The following VRK2 variants were observed in gnomAD, a reference collection of about 807,000 sequenced individuals.
The protein encoded by VRK2 is serine/threonine-protein kinase VRK2.
VRK2 carries 60 observed loss-of-function variants against 57.6 expected under a neutral mutation model. The observed-to-expected ratio is 1.04, with a 90% CI of 0.85 to 1.29. The LOEUF (loss-of-function observed/expected upper bound fraction) is 1.29, where lower values mean the gene tolerates loss of function less well. Ranked by LOEUF, VRK2 falls within the 50% of genes most tolerant of loss-of-function variation. VRK2 has a pLI of 0.00. For missense variants in VRK2, 705 were observed against 588.1 expected (o/e 1.20, Z -2.06); for synonymous variants, 231 against 199.2 (o/e 1.16, Z -1.35).
chr2:58,056,922 A>G (rs1676607537), intron 2 of VRK2, among the ~76,000 whole-genome samples: 1 of 152,128 alleles, frequency 6.6e-6, no homozygotes, highest in Non-Finnish European at 1.5e-5. Flanking sequence ...GTGGCTTGGT[A>G]GGCTTTATGA....
chr2:57,909,702 G>C (rs1191451722), intron 1 of VRK2, among the ~76,000 whole-genome samples: 3 of 151,964 alleles, frequency 2.0e-5, no homozygotes, highest in African/African-American at 7.3e-5. Flanking sequence ...GCTTTAATTT[G>C]CTATTTAGCA....
chr2:57,940,933 A>G (rs1671074952), intron 1 of VRK2, among the ~76,000 whole-genome samples: 1 of 152,162 alleles, frequency 6.6e-6, no homozygotes, highest in Non-Finnish European at 1.5e-5. Flanking sequence ...AAAGTCATCA[A>G]TAACATTTTA....
intron 7 of VRK2, among the ~76,000 whole-genome samples, chr2:58,100,198 A>G (rs894536720): frequency 5.9e-5 from 9 of 151,952 alleles, no homozygotes; most frequent in African/African-American, 2.2e-4. Flanking sequence ...CCATTTATCA[A>G]TCCAGGTTGC....
At chr2:57,927,205 T>C (rs1445748113) in intron 1 of VRK2, among the ~76,000 whole-genome samples, 2 of 152,020 alleles carry the variant, frequency 1.3e-5, no homozygotes, top group African/African-American at 4.8e-5. Flanking sequence ...GTTGTTTCTA[T>C]TTATATTTTA....
intron 1 of VRK2, among the ~76,000 whole-genome samples, chr2:57,976,964 T>C (rs1672270067): frequency 6.6e-6 from 1 of 152,136 alleles, no homozygotes; most frequent in South Asian, 2.1e-4. Context: ...CAGTACTGTT[T>C]ATTGAATAGA....
At chr2:58,119,413 G>T (rs1020160430) in intron 7 of VRK2, among the ~76,000 whole-genome samples, 1 of 145,964 alleles carries the variant, frequency 6.9e-6, no homozygotes, top group Non-Finnish European at 1.5e-5. Context: ...GGAGGCGGAG[G>T]TTGCAGTGAG....
At chr2:57,908,158 G>T (rs1669882803) in intron 1 of VRK2, among the ~76,000 whole-genome samples, 1 of 152,178 alleles carries the variant, frequency 6.6e-6, no homozygotes, top group South Asian at 2.1e-4. Flanking sequence ...AGGAGTTAAA[G>T]AACTTAGAGG....
At position 58,089,686 on chromosome 2, in the gene VRK2, C is replaced by T; in HGVS notation, c.506C>T (p.Ala169Val). 6.2e-7 allele frequency: 1 copy of T among 1,608,606 alleles called. No individual in the cohort carries two copies. Among genetic ancestry groups the T allele is most frequent in the Non-Finnish European group, 8.5e-7 (1 of 1,176,542 alleles). ...GAATATGTTCATGGTGATATAAAAG[C>T]AGCAAATCTACTTTTGGGTTACAAA... ...ENEYVHGDIK[A>V]ANLLLGYKNP... is the part of the protein sequence containing the mutation. Residue 169 changes from alanine to valine, a missense_variant, in exon 7 of 13, where the codon GCA (alanine) becomes GTA (valine). Coordinates refer to ENST00000340157, the MANE Select transcript of VRK2 (RefSeq NM_006296.7).
chr2:57,986,699 A>G (rs1245686270), intron 1 of VRK2, among the ~76,000 whole-genome samples: 1 of 151,076 alleles, frequency 6.6e-6, no homozygotes, highest in Non-Finnish European at 1.5e-5. Flanking sequence ...CCCAGGTTCA[A>G]GCAATTCTCC....
At chr2:58,061,423 A>G (rs2103895924) in intron 2 of VRK2, among the ~76,000 whole-genome samples, 1 of 152,168 alleles carries the variant, frequency 6.6e-6, no homozygotes. Flanking sequence ...TTAGTGTATT[A>G]TAATAAAATT....
At chr2:57,954,983 A>G (rs1208161518) in intron 1 of VRK2, among the ~76,000 whole-genome samples, 1 of 152,192 alleles carries the variant, frequency 6.6e-6, no homozygotes, top group Non-Finnish European at 1.5e-5. Flanking sequence ...TTAAGTATAA[A>G]GCATAGATAT....
chr2:58,070,568 C>T (rs1411944851), intron 2 of VRK2, among the ~76,000 whole-genome samples: 2 of 152,066 alleles, frequency 1.3e-5, no homozygotes, highest in African/African-American at 2.4e-5. Context: ...AGTTAGAATC[C>T]TACACTATGT....
At chr2:57,987,853 G>C (rs1373430634) in intron 1 of VRK2, among the ~76,000 whole-genome samples, 1 of 152,152 alleles carries the variant, frequency 6.6e-6, no homozygotes, top group Non-Finnish European at 1.5e-5. Context: ...TAATGACATA[G>C]ATGAATCTCA....
chr2:58,147,995 A>G, intron 12 of VRK2, among the ~76,000 whole-genome samples: 1 of 151,904 alleles, frequency 6.6e-6, no homozygotes, highest in East Asian at 1.9e-4. Context: ...CACCATGAAT[A>G]TAGTTGCTAC....
chr2:57,947,459 G>T (rs911311748), intron 1 of VRK2, among the ~76,000 whole-genome samples: 1 of 152,088 alleles, frequency 6.6e-6, no homozygotes, highest in Non-Finnish European at 1.5e-5. Context: ...ACAAACTTAT[G>T]GGTAATTTCC....
intron 1 of VRK2, among the ~76,000 whole-genome samples, chr2:57,943,569 T>C (rs974272695): frequency 1.3e-5 from 2 of 152,170 alleles, no homozygotes; most frequent in African/African-American, 2.4e-5. Flanking sequence ...TTACTAGGTA[T>C]AGTGAGTAAG....
intron 3 of VRK2, among the ~76,000 whole-genome samples, chr2:58,035,641 C>T (rs1039697427): frequency 2.0e-5 from 3 of 151,970 alleles, no homozygotes; most frequent in African/African-American, 7.2e-5. Flanking sequence ...ATGTTCATTA[C>T]CCTTATCCAA....
At chr2:57,993,097 T>C (rs921630861) in intron 1 of VRK2, among the ~76,000 whole-genome samples, 8 of 152,192 alleles carry the variant, frequency 5.3e-5, no homozygotes, top group Non-Finnish European at 7.3e-5. Context: ...GAGTAACTGG[T>C]ATATTTTAGT....
intron 1 of VRK2, among the ~76,000 whole-genome samples, chr2:57,975,564 G>A (rs1031940816): frequency 6.6e-6 from 1 of 151,842 alleles, no homozygotes; most frequent in African/African-American, 2.4e-5. Flanking sequence ...ATTATATGAT[G>A]CTAGGTTTGG....
Sources: allele counts gnomAD v4.1 joint callset (sites outside exome capture counted in the v4.1 genomes callset), GRCh38; gene constraint gnomAD v4.1.1; transcripts MANE v1.5; gene names NCBI Gene and HGNC (gene_info 2026-07-23, HGNC 2026-07-21).